Variants in SLC22A23 observed in about 807,000 individuals in gnomAD.
SLC22A23 encodes solute carrier family 22 member 23, also known as ion transporter protein.
SLC22A23 carries 26 observed loss-of-function variants against 61.0 expected under a neutral mutation model. The ratio of observed to expected loss-of-function variants is 0.43; its 90% confidence interval spans 0.31 to 0.59. SLC22A23 has a LOEUF of 0.59. Ranked by LOEUF, SLC22A23 falls within the 20% of genes least tolerant of loss-of-function variation. SLC22A23 has a pLI of 0.11. For missense variants in SLC22A23, 796 were observed against 934.7 expected (o/e 0.85, Z 1.94); for synonymous variants, 430 against 413.9 (o/e 1.04, Z -0.47).
intron 5 of SLC22A23, chr6:3,290,341 T>C (rs1188977074): frequency 9.1e-6 from 2 of 219,574 alleles, no homozygotes; most frequent in Non-Finnish European, 1.8e-5. Context: ...GCAGATATGC[T>C]TCTTAGCCTT....
intron 3 of SLC22A23, among the ~76,000 whole-genome samples, chr6:3,334,445 G>A (rs1294638187): frequency 1.3e-5 from 2 of 151,992 alleles, no homozygotes; most frequent in African/African-American, 4.8e-5. Context: ...ACAGGCATGA[G>A]CCACTGCGCC....
chr6:3,274,538 G>A (rs2127282706), intron 9 of SLC22A23, among the ~76,000 whole-genome samples: 1 of 152,332 alleles, frequency 6.6e-6, no homozygotes, highest in East Asian at 1.9e-4. Flanking sequence ...TGAGTGGGCT[G>A]AAAGGGAGGT....
chr6:3,323,764 G>T, intron 4 of SLC22A23, 70 bp downstream of exon 4: 1 of 1,510,852 alleles, frequency 6.6e-7, no homozygotes. Context: ...TGTGTGTCCT[G>T]CCCGGGGCCG....
In SLC22A23 at chr6:3,390,816, G is replaced by A. The variant is rs1767614764; in HGVS notation, c.913+19372C>T. ...CAGGCCCTACAGGCTTCAATAATAT[G>A]CTGCCTATCTGCCAAACCACTGGCT... On this transcript the variant is annotated intron_variant, in intron 3 of 9. Transcript: ENST00000406686. This position sits in a 1 kb window ranked among gnomAD's most constrained non-coding sequence, Gnocchi z 4.0. Among the ~76,000 whole-genome samples, 1 of 152,142 alleles carries A rather than the reference G, an allele frequency of 6.6e-6. No individual in the cohort carries two copies. The highest frequency in any genetic ancestry group is 1.5e-5 in the Non-Finnish European group (1 of 68,034).
chr6:3,326,266 G>A (rs1304685767), intron 3 of SLC22A23, among the ~76,000 whole-genome samples: 3 of 152,204 alleles, frequency 2.0e-5, no homozygotes, highest in Non-Finnish European at 4.4e-5. Context: ...TCCAAAGGTT[G>A]TCTCAATCCT....
rs189577014 is a variant in SLC22A23, at chr6:3,327,900, C to T, written c.914-3898G>A. On this transcript the variant is annotated intron_variant, in intron 3 of 9. Coordinates refer to ENST00000406686, the MANE Select transcript of SLC22A23 (RefSeq NM_015482.2). This position sits in a 1 kb window ranked among gnomAD's most constrained non-coding sequence, Gnocchi z 4.1. ...AAACAAAGTTTTGACTGAGACCCAT[C>T]ATATAAGGTCATGTGTGAAATTTTC... Among the ~76,000 whole-genome samples the T allele has an allele frequency of 1.8e-4, 27 of 152,164 alleles. No individual in the cohort carries two copies. Among genetic ancestry groups the T allele is most frequent in the Admixed American group, 1.8e-3 (27 of 15,278 alleles).
intron 1 of SLC22A23, among the ~76,000 whole-genome samples, chr6:3,417,357 G>A (rs892900968): frequency 2.6e-5 from 4 of 152,144 alleles, no homozygotes; most frequent in African/African-American, 7.2e-5. Flanking sequence ...AGGAAGAAAC[G>A]GAATATGGGA....
intron 3 of SLC22A23, among the ~76,000 whole-genome samples, chr6:3,337,552 C>T (rs17136440): frequency 0.24 from 36,833 of 151,510 alleles, 5,791 homozygotes; most frequent in African/African-American, 0.44. Flanking sequence ...ACGCAGTTAG[C>T]AAAAGGAAGA....
Position 3,456,452 on chromosome 6 carries a change from C to G in SLC22A23, c.108G>C (p.Ala36=). ...SLPPGDAAAS[A]PLGGRAGPGG... ...CGGGGCCCGCGCGTCCCCCGAGGGG[C>G]GCCGAGGCCGCCGCGTCCCCGGGCG... Residue 36 remains alanine (A), a synonymous_variant, in exon 1 of 10, where the codon GCG becomes GCC. Transcript: ENST00000406686. The surrounding 1 kb of genome is among the most constrained non-coding windows in gnomAD (Gnocchi z 7.1). The G allele has an allele frequency of 8.2e-7, 1 of 1,214,156 alleles. No homozygotes were observed. The highest frequency in any genetic ancestry group is 1.0e-6 in the Non-Finnish European group (1 of 979,182). 75.2% of individuals were successfully genotyped at this position (1,214,156 alleles called of 1,614,324 possible). A position where few individuals can be genotyped will look rare whatever the true frequency, so the allele number is the denominator to read the frequency against.
chr6:3,292,642 G>A (rs755390878), intron 5 of SLC22A23, among the ~76,000 whole-genome samples: 3 of 152,214 alleles, frequency 2.0e-5, no homozygotes, highest in African/African-American at 7.2e-5. Flanking sequence ...ACATTTTCAC[G>A]GATCCCCGTG....
chr6:3,352,966 T>G, intron 3 of SLC22A23, among the ~76,000 whole-genome samples: 1 of 152,188 alleles, frequency 6.6e-6, no homozygotes, highest in Non-Finnish European at 1.5e-5. Flanking sequence ...AGGACTTTGT[T>G]GCTGAGGAAC....
chr6:3,438,341 G>A (rs535414522), intron 1 of SLC22A23: 15 of 358,446 alleles, frequency 4.2e-5, no homozygotes, highest in African/African-American at 1.1e-4. Flanking sequence ...ACTCACTTTC[G>A]GAGCCGGCAA....
At chr6:3,340,546 C>T (rs372391026) in intron 3 of SLC22A23, among the ~76,000 whole-genome samples, 6 of 152,124 alleles carry the variant, frequency 3.9e-5, no homozygotes, top group South Asian at 2.1e-4. Context: ...TGCATAAGAA[C>T]GGCAACTTGG....
chr6:3,299,207 T>A (rs1346062947), intron 4 of SLC22A23, among the ~76,000 whole-genome samples: 3 of 152,180 alleles, frequency 2.0e-5, no homozygotes, highest in Non-Finnish European at 4.4e-5. Context: ...TGTCAAGAAA[T>A]CAGTGTATAC....
chr6:3,337,183 A>G (rs996452436), intron 3 of SLC22A23, among the ~76,000 whole-genome samples: 1 of 152,222 alleles, frequency 6.6e-6, no homozygotes, highest in East Asian at 1.9e-4. Flanking sequence ...GCTCTGCGCT[A>G]AACACAAATG....
At chr6:3,436,944 C>T (rs1771253544) in intron 1 of SLC22A23, among the ~76,000 whole-genome samples, 1 of 152,210 alleles carries the variant, frequency 6.6e-6, no homozygotes, top group Non-Finnish European at 1.5e-5. Context: ...GGAGAAAATG[C>T]CTTCTGAAGA....
intron 3 of SLC22A23, among the ~76,000 whole-genome samples, chr6:3,325,168 T>C (rs912108497): frequency 2.0e-5 from 3 of 152,274 alleles, no homozygotes; most frequent in Non-Finnish European, 4.4e-5. Flanking sequence ...GAGAACACTT[T>C]TTATGCCTGT....
At chr6:3,445,769 G>C (rs2127555395) in intron 1 of SLC22A23, among the ~76,000 whole-genome samples, 1 of 152,290 alleles carries the variant, frequency 6.6e-6, no homozygotes, top group Middle Eastern at 3.4e-3. Context: ...GGCAGTGAGA[G>C]AGACCGGGCT....
At chr6:3,412,069 G>A (rs1321682630) in intron 2 of SLC22A23, among the ~76,000 whole-genome samples, 1 of 152,188 alleles carries the variant, frequency 6.6e-6, no homozygotes, top group Non-Finnish European at 1.5e-5. Flanking sequence ...TTCACTAGGG[G>A]GGATGATGGG....
Sources: allele counts gnomAD v4.1 joint callset (sites outside exome capture counted in the v4.1 genomes callset), GRCh38; gene constraint gnomAD v4.1.1; non-coding constraint Gnocchi (gnomAD v3.1); transcripts MANE v1.5; gene names NCBI Gene and HGNC (gene_info 2026-07-23, HGNC 2026-07-21).